Variants in TULP4 observed in about 807,000 individuals in gnomAD.
TULP4 encodes the protein tubby-related protein 4.
TULP4 carries 16 observed loss-of-function variants against 129.0 expected under a neutral mutation model. The ratio of observed to expected loss-of-function variants is 0.12; its 90% CI spans 0.08 to 0.19. The LOEUF (loss-of-function observed/expected upper bound fraction) is 0.19, where lower values mean the gene tolerates loss of function less well. TULP4 is among the 10% of genes least tolerant of loss of function. The pLI is 1.00. For synonymous variants in TULP4, 998 were observed against 854.0 expected (o/e 1.17, Z -2.94); for missense variants, 1,842 against 2,059.1 (o/e 0.89, Z 2.04).
intron 3 of TULP4, among the ~76,000 whole-genome samples, chr6:158,442,523 C>A (rs1382813755): frequency 2.0e-5 from 3 of 152,010 alleles, no homozygotes; most frequent in African/African-American, 7.2e-5. Flanking sequence ...TCGCGGTCTT[C>A]TGATCAAAGT....
chr6:158,249,245 A>G (rs1188629227), intron 1 of TULP4, among the ~76,000 whole-genome samples: 3 of 152,160 alleles, frequency 2.0e-5, no homozygotes, highest in African/African-American at 7.2e-5. Flanking sequence ...TGAGAAACTC[A>G]GTCTTATGTT....
chr6:158,506,492 A>C (rs1422709351), intron 13 of TULP4, 86 bp from the exon 14 acceptor site: 10 of 888,924 alleles, frequency 1.1e-5, no homozygotes, highest in Non-Finnish European at 1.9e-5. Flanking sequence ...CGGCCTCCCA[A>C]AGTGCTGGGA....
At chr6:158,370,835 C>T (rs974653844) in intron 1 of TULP4, among the ~76,000 whole-genome samples, 1 of 152,196 alleles carries the variant, frequency 6.6e-6, no homozygotes, top group Admixed American at 6.5e-5. Flanking sequence ...CAGATAGTAG[C>T]TCTGACATTA....
upstream of TULP4, among the ~76,000 whole-genome samples, chr6:158,307,947 T>C (rs114942896): frequency 8.7e-3 from 1,329 of 152,180 alleles, 10 homozygotes; most frequent in African/African-American, 0.026. Flanking sequence ...TGATGAGTGC[T>C]GATTTTCGCA....
intron 1 of TULP4, among the ~76,000 whole-genome samples, chr6:158,318,150 G>T (rs1051374004): frequency 1.3e-5 from 2 of 152,048 alleles, no homozygotes; most frequent in Non-Finnish European, 2.9e-5. Flanking sequence ...GTTAATTTCT[G>T]TTCCTCATAT....
chr6:158,502,996 A>G lies in TULP4; in HGVS notation c.3333A>G (p.Glu1111=), dbSNP rs1179750302. ...EKPLRHPPLP[E]AAVTLKRPPP... ...CCTTGAGGCACCCTCCCCTGCCTGA[A>G]GCTGCTGTCACCCTGAAACGGCCAC... is the stretch of plus-strand genomic sequence containing the variant. Residue 1111 remains glutamate, a synonymous_variant, in exon 13 of 14, where the codon GAA becomes GAG. Transcript: ENST00000367097. The G allele has an allele frequency of 6.2e-7, 1 of 1,614,042 alleles. No individual in the cohort carries two copies. Among genetic ancestry groups the G allele is most frequent in the South Asian group, 1.1e-5 (1 of 91,082 alleles).
intron 1 of TULP4, among the ~76,000 whole-genome samples, chr6:158,271,140 ACT>A (rs1195559008): frequency 2.2e-5 from 3 of 137,906 alleles, no homozygotes; most frequent in Non-Finnish European, 4.6e-5. Flanking sequence ...ACAAAGTGAG[ACT>A]CTGTCTCAAA....
intron 3 of TULP4, among the ~76,000 whole-genome samples, chr6:158,431,013 C>T (rs1360515657): frequency 6.6e-6 from 1 of 151,962 alleles, no homozygotes; most frequent in African/African-American, 2.4e-5. Flanking sequence ...TATTTTTTCT[C>T]TTCTCAAAAT....
At chr6:158,339,985 C>T (rs1222157670) in intron 1 of TULP4, among the ~76,000 whole-genome samples, 1 of 152,218 alleles carries the variant, frequency 6.6e-6, no homozygotes, top group Non-Finnish European at 1.5e-5. Flanking sequence ...ATGGCTTCAG[C>T]TGGTCCCTCT....
intron 3 of TULP4, among the ~76,000 whole-genome samples, chr6:158,445,303 A>G (rs1779009993): frequency 6.6e-6 from 1 of 152,248 alleles, no homozygotes; most frequent in South Asian, 2.1e-4. Context: ...CGTCACAGGA[A>G]ACAGCAGGAA....
chr6:158,252,523 G>C (rs373940470), intron 1 of TULP4, among the ~76,000 whole-genome samples: 2 of 151,924 alleles, frequency 1.3e-5, no homozygotes, highest in Non-Finnish European at 2.9e-5. Context: ...CTAAACGTGC[G>C]CACCACCATG....
intron 1 of TULP4, chr6:158,398,096 G>GT (rs1777758989): frequency 6.6e-6 from 1 of 152,184 alleles, no homozygotes; most frequent in South Asian, 2.1e-4. Flanking sequence ...CAGATGTTTT[G>GT]TAAGGCAGTG....
intron 1 of TULP4, among the ~76,000 whole-genome samples, chr6:158,268,503 G>A (rs1583690645): frequency 6.6e-6 from 1 of 152,268 alleles, no homozygotes; most frequent in East Asian, 1.9e-4. Context: ...GAAATGTGTT[G>A]CTCACAATCC....
Position 158,508,980 on chromosome 6 carries a change from A to G in TULP4, c.*2286A>G, listed in dbSNP as rs905780499. On this transcript the variant is annotated 3_prime_UTR_variant, in exon 14 of 14. Transcript: ENST00000367097. ...TCGGCTCCCCACAACCTCTGACTCC[A>G]GGGTTCAGGTGATTATTTTGCCTCA... The G allele has an allele frequency of 2.2e-5, 3 of 135,248 alleles. No homozygotes were observed. The highest frequency in any genetic ancestry group is 2.2e-4 in the East Asian group (1 of 4,484). The allele number at this position is 135,248 out of a possible 1,614,324, so 8.4% of individuals were successfully genotyped here. A position where few individuals can be genotyped will look rare whatever the true frequency, so the allele number is the denominator to read the frequency against.
chr6:158,503,620 C>T lies in TULP4; in HGVS notation c.3957C>T (p.Leu1319=). 3 of 1,614,072 alleles carry T rather than the reference C, an allele frequency of 1.9e-6. No homozygotes were observed. Among genetic ancestry groups the T allele is most frequent in the Non-Finnish European group, 2.5e-6 (3 of 1,180,042 alleles). The change falls in exon 13 of 14, where the codon CTC becomes CTT. Residue 1319 remains leucine, a synonymous_variant. Coordinates refer to ENST00000367097, the MANE Select transcript of TULP4 (RefSeq NM_020245.5). The surrounding 1 kb of genome is among the most constrained non-coding windows in gnomAD (Gnocchi z 4.3). Reference sequence around the variant, plus strand: ...CTGCAGACAACTTCCAGGAAGTCCTCTCCCTGACCGAAAGCCCAGTCCCCC... The same window carrying T: ...CTGCAGACAACTTCCAGGAAGTCCTTTCCCTGACCGAAAGCCCAGTCCCCC... ...VETADNFQEV[L]SLTESPVPQR... is the part of the protein sequence containing the mutation.
intron 1 of TULP4, among the ~76,000 whole-genome samples, chr6:158,331,985 A>G (rs1779906640): frequency 6.7e-6 from 1 of 148,528 alleles, no homozygotes; most frequent in Admixed American, 6.8e-5. Context: ...CAGCCTGGCC[A>G]ACATGGTGAA....
intron 6 of TULP4, among the ~76,000 whole-genome samples, chr6:158,469,769 A>G (rs1779632956): frequency 6.6e-6 from 1 of 151,886 alleles, no homozygotes; most frequent in Non-Finnish European, 1.5e-5. Context: ...AAATGAGGAA[A>G]GGGCCAAGCA....
At chr6:158,357,680 TG>T (rs1226680306) in intron 1 of TULP4, among the ~76,000 whole-genome samples, 1 of 152,226 alleles carries the variant, frequency 6.6e-6, no homozygotes, top group Non-Finnish European at 1.5e-5. Context: ...TGCCGAGGCC[TG>T]GCCTTCCCTG....
intron 1 of TULP4, among the ~76,000 whole-genome samples, chr6:158,240,558 GC>G: frequency 1.1e-5 from 1 of 90,092 alleles, no homozygotes; most frequent in Non-Finnish European, 2.5e-5. Flanking sequence ...GGGGCGGCTG[GC>G]CGGGCAGAGG....
Sources: gnomAD v4.1 joint callset for allele counts (sites outside exome capture counted in the v4.1 genomes callset) on GRCh38, gnomAD v4.1.1 for gene constraint, Gnocchi (gnomAD v3.1) non-coding constraint, MANE v1.5 for transcripts, NCBI Gene and HGNC (gene_info 2026-07-23, HGNC 2026-07-21) for gene names.